The following GLRB variants were observed in gnomAD, a reference collection of about 807,000 sequenced individuals.
GLRB encodes glycine receptor beta.
In GLRB, 33 loss-of-function variants were observed where a neutral mutation model predicts 54.2. The observed-to-expected ratio is 0.61, with a 90% CI of 0.46 to 0.81. The LOEUF (loss-of-function observed/expected upper bound fraction) is 0.81, where lower values mean the gene tolerates loss of function less well. Ranked by LOEUF, GLRB falls within the 40% of genes least tolerant of loss-of-function variation. The probability of loss-of-function intolerance (pLI) is 0.00; values close to 1 mark genes in which losing one functional copy is unlikely to be tolerated. For synonymous variants in GLRB, 209 were observed against 208.2 expected (o/e 1.00, Z -0.03); for missense variants, 572 against 584.6 (o/e 0.98, Z 0.22).
intron 2 of GLRB, among the ~76,000 whole-genome samples, chr4:157,089,751 T>C (rs554513944): frequency 1.2e-4 from 18 of 152,358 alleles, no homozygotes; most frequent in African/African-American, 3.8e-4. Context: ...TCTATATCTT[T>C]ATCTCTATAT....
chr4:157,116,512 C>A (rs1005820883), intron 2 of GLRB, among the ~76,000 whole-genome samples: 5 of 151,494 alleles, frequency 3.3e-5, no homozygotes, highest in African/African-American at 7.3e-5. Context: ...ACTTAACTCT[C>A]CTTTTTCATG....
At chr4:157,155,808 C>G (rs539892774) in intron 9 of GLRB, among the ~76,000 whole-genome samples, 140 of 152,220 alleles carry the variant, frequency 9.2e-4, no homozygotes, top group African/African-American at 3.1e-3. Context: ...TTTTTCTCAG[C>G]TTGTTGAAAA....
At chr4:157,077,246 G>A (rs1734071927) in intron 1 of GLRB, among the ~76,000 whole-genome samples, 1 of 152,060 alleles carries the variant, frequency 6.6e-6, no homozygotes, top group Non-Finnish European at 1.5e-5. Flanking sequence ...ATATGGCTAG[G>A]ACGATAATTT....
At chr4:157,129,516 T>G (rs1026120514) in intron 4 of GLRB, among the ~76,000 whole-genome samples, 1 of 151,808 alleles carries the variant, frequency 6.6e-6, no homozygotes, top group Non-Finnish European at 1.5e-5. Flanking sequence ...TTTGAAATAT[T>G]CTTAAAAGAT....
At chr4:157,109,168 G>A (rs1735330774) in intron 2 of GLRB, among the ~76,000 whole-genome samples, 1 of 152,002 alleles carries the variant, frequency 6.6e-6, no homozygotes, top group Non-Finnish European at 1.5e-5. Context: ...GTTTGGAACT[G>A]ATCTCTAAAT....
intron 4 of GLRB, among the ~76,000 whole-genome samples, chr4:157,130,567 A>G (rs1375355381): frequency 6.6e-6 from 1 of 151,672 alleles, no homozygotes; most frequent in African/African-American, 2.4e-5. Context: ...AACATGTGTC[A>G]GAATTTCATT....
At chr4:157,121,422 AT>A (rs1435254568) in intron 3 of GLRB, among the ~76,000 whole-genome samples, 4 of 150,990 alleles carry the variant, frequency 2.6e-5, no homozygotes, top group African/African-American at 9.7e-5. Flanking sequence ...AAGGACAGGT[AT>A]TAATGTAGAT....
chr4:157,103,037 G>A (rs1022071428), intron 2 of GLRB, among the ~76,000 whole-genome samples: 3 of 151,896 alleles, frequency 2.0e-5, no homozygotes, highest in Non-Finnish European at 4.4e-5. Flanking sequence ...TGTAGTCCCG[G>A]CTACTCAGGA....
At chr4:157,081,534 C>A (rs986021465) in intron 2 of GLRB, among the ~76,000 whole-genome samples, 1 of 152,130 alleles carries the variant, frequency 6.6e-6, no homozygotes, top group Non-Finnish European at 1.5e-5. Context: ...CAGATGACAC[C>A]ATTTCCACCT....
At chr4:157,166,079 A>G (rs1207665525) in intron 9 of GLRB, among the ~76,000 whole-genome samples, 1 of 152,084 alleles carries the variant, frequency 6.6e-6, no homozygotes, top group Non-Finnish European at 1.5e-5. Context: ...AAAGAACCAC[A>G]AAGAAAATCT....
chr4:157,099,365 G>A (rs551103472), intron 2 of GLRB, among the ~76,000 whole-genome samples: 8 of 147,864 alleles, frequency 5.4e-5, no homozygotes, highest in African/African-American at 2.0e-4. Flanking sequence ...TCGAGACAAA[G>A]TCTCACTGTC....
At chr4:157,156,791 T>C (rs528548025) in intron 9 of GLRB, among the ~76,000 whole-genome samples, 28 of 152,366 alleles carry the variant, frequency 1.8e-4, no homozygotes, top group Non-Finnish European at 3.8e-4. Context: ...TGTTGCACAG[T>C]TTGAAATCTT....
intron 2 of GLRB, chr4:157,084,547 C>G (rs1035538207): frequency 2.2e-6 from 1 of 452,918 alleles, no homozygotes; most frequent in African/African-American, 2.0e-5. Context: ...TTTTTATTCT[C>G]GTTCTGTGTG....
chr4:157,138,144 T>A (rs927863985), intron 6 of GLRB, among the ~76,000 whole-genome samples: 1 of 152,192 alleles, frequency 6.6e-6, no homozygotes, highest in African/African-American at 2.4e-5. Flanking sequence ...CGATCTCAGC[T>A]CACTGCAACC....
intron 9 of GLRB, among the ~76,000 whole-genome samples, chr4:157,164,025 G>T (rs72980557): frequency 0.045 from 6,907 of 152,058 alleles, 239 homozygotes; most frequent in African/African-American, 0.097. Context: ...ATTTATCAAT[G>T]GGCTACTCTT....
rs756482232 is a variant in GLRB, at chr4:157,152,990, G to A, written c.1177G>A (p.Val393Ile). The change falls in exon 9 of 10, where the codon GTT (valine) becomes ATT (isoleucine). Residue 393 changes from valine to isoleucine, a missense_variant. By Grantham distance (29) the Val-to-Ile change is conservative (BLOSUM62 3). Coordinates refer to ENST00000264428, the MANE Select transcript of GLRB (RefSeq NM_000824.5). Reference protein sequence around the residue: ...KNTVNGTGTPVHISTLQVGET... With the variant: ...KNTVNGTGTPIHISTLQVGET... ...TACTGTGAATGGAACAGGGACTCCT[G>A]TTCATATTAGCACTTTGCAGGTAAG... 1.2e-6 allele frequency: 2 copies of A among 1,613,490 alleles called. No individual in the cohort carries two copies. The highest frequency in any genetic ancestry group is 1.3e-5 in the African/African-American group (1 of 74,892).
At chr4:157,092,643 A>G (rs1231162478) in intron 2 of GLRB, among the ~76,000 whole-genome samples, 1 of 152,200 alleles carries the variant, frequency 6.6e-6, no homozygotes, top group African/African-American at 2.4e-5. Context: ...CATCTGTGGC[A>G]TGACTTCTTT....
At chr4:157,099,340 C>CTT in intron 2 of GLRB, among the ~76,000 whole-genome samples, 1 of 141,894 alleles carries the variant, frequency 7.0e-6, no homozygotes. Flanking sequence ...GTGTTATTAA[C>CTT]TTTTTTTTTT....
chr4:157,090,556 C>A (rs1579187989), intron 2 of GLRB, among the ~76,000 whole-genome samples: 1 of 152,174 alleles, frequency 6.6e-6, no homozygotes, highest in Non-Finnish European at 1.5e-5. Context: ...TCTTTAATGT[C>A]ATGCCAAAAT....
Sources: gnomAD v4.1 joint callset for allele counts (sites outside exome capture counted in the v4.1 genomes callset) on GRCh38, gnomAD v4.1.1 for gene constraint, MANE v1.5 for transcripts, NCBI Gene and HGNC (gene_info 2026-07-23, HGNC 2026-07-21) for gene names.